Variants in RIC1 observed in about 807,000 individuals in gnomAD.
The protein encoded by RIC1 is guanine nucleotide exchange factor subunit RIC1.
RIC1 carries 88 observed loss-of-function variants against 169.0 expected under a neutral mutation model. That is an observed-to-expected ratio of 0.52 (90% CI 0.44 to 0.62). RIC1 has a LOEUF of 0.62. RIC1 is among the 20% of genes least tolerant of loss of function. The pLI, the probability that RIC1 is intolerant of heterozygous loss-of-function variation, is 0.00. For missense variants in RIC1, 1,877 were observed against 1,725.5 expected (o/e 1.09, Z -1.56); for synonymous variants, 790 against 601.5 (o/e 1.31, Z -4.59).
chr9:5,678,794 T>G (rs1453915329), intron 2 of RIC1, among the ~76,000 whole-genome samples: 1 of 152,218 alleles, frequency 6.6e-6, no homozygotes, highest in Non-Finnish European at 1.5e-5. Flanking sequence ...TTCTGTAGGT[T>G]GCCTGTTCAC....
chr9:5,662,241 T>A (rs1819494957), intron 2 of RIC1, among the ~76,000 whole-genome samples: 1 of 152,194 alleles, frequency 6.6e-6, no homozygotes, highest in African/African-American at 2.4e-5. Context: ...AGTATTTTGT[T>A]GAGAATTTTT....
intron 1 of RIC1, among the ~76,000 whole-genome samples, chr9:5,635,501 G>C (rs1817929965): frequency 6.6e-6 from 1 of 152,050 alleles, no homozygotes; most frequent in Non-Finnish European, 1.5e-5. Flanking sequence ...ATGCATGCGT[G>C]GTTTTATTTC....
chr9:5,666,171 T>G (rs1819744507), intron 2 of RIC1, among the ~76,000 whole-genome samples: 1 of 152,158 alleles, frequency 6.6e-6, no homozygotes, highest in Non-Finnish European at 1.5e-5. Context: ...AGGAGTGGAT[T>G]GAGGTCTCAC....
At chr9:5,758,957 A>T (rs1586702631) in intron 17 of RIC1, among the ~76,000 whole-genome samples, 1 of 151,716 alleles carries the variant, frequency 6.6e-6, no homozygotes, top group South Asian at 2.1e-4. Context: ...GTTGGCCAGG[A>T]TGGTCTCAAT....
At chr9:5,734,266 C>T (rs538061816) in intron 7 of RIC1, among the ~76,000 whole-genome samples, 1 of 151,628 alleles carries the variant, frequency 6.6e-6, no homozygotes, top group African/African-American at 2.4e-5. Context: ...ACCACCATGC[C>T]CGGCTAATTT....
At chr9:5,675,703 G>GA (rs60899601) in intron 2 of RIC1, among the ~76,000 whole-genome samples, 10,860 of 152,116 alleles carry the variant, frequency 0.071, 566 homozygotes, top group African/African-American at 0.14. Flanking sequence ...TTTTAGGGGG[G>GA]AAAAATGTAC....
At position 5,754,935 on chromosome 9, in the gene RIC1, G is replaced by T. The variant is rs1417892296; in HGVS notation, c.1692+5G>T. Reference sequence around the variant, plus strand: ...ATAAATGACCGTCAAGAAGAGGTAAGTTTTTTCTCTCAGAAATAACAGATT... The same window carrying T: ...ATAAATGACCGTCAAGAAGAGGTAATTTTTTTCTCTCAGAAATAACAGATT... On this transcript the variant is annotated splice_donor_5th_base_variant and intron_variant, in intron 15 of 25. Coordinates refer to ENST00000414202, the MANE Select transcript of RIC1 (RefSeq NM_020829.4). 19 of 1,495,988 alleles carry T rather than the reference G, an allele frequency of 1.3e-5. No homozygotes were observed. Among genetic ancestry groups the T allele is most frequent in the Admixed American group, 3.6e-5 (2 of 56,268 alleles). The allele number at this position is 1,495,988 out of a possible 1,614,324, so 92.7% of individuals were successfully genotyped here.
In RIC1 at chr9:5,769,032, C is replaced by T. The variant is rs759997980; in HGVS notation, c.3200C>T (p.Ala1067Val). 1 of 1,614,056 alleles carries T rather than the reference C, an allele frequency of 6.2e-7. No homozygotes were observed. Among genetic ancestry groups the T allele is most frequent in the Non-Finnish European group, 8.5e-7 (1 of 1,179,944 alleles). ...MYIDMMLWRHARRLLEDVRLK... is the reference protein window; with the variant it reads ...MYIDMMLWRHVRRLLEDVRLK... ...ATTGACATGATGCTCTGGAGACATG[C>T]TCGGCGCCTCTTAGAAGATGTGAGG... The change falls in exon 22 of 26, where the codon GCT becomes GTT. Residue 1067 changes from alanine to valine, a missense_variant. Ala to Val is a moderately conservative substitution (Grantham distance 64). Transcript: ENST00000414202.
intron 22 of RIC1, 149 bp from the exon 23 acceptor site, chr9:5,769,938 G>A (rs1406324582): frequency 1.7e-6 from 1 of 601,988 alleles, no homozygotes; most frequent in Middle Eastern, 4.4e-4. Flanking sequence ...TAGTTTTGGG[G>A]TGGCTGATAC....
intron 2 of RIC1, among the ~76,000 whole-genome samples, chr9:5,664,235 C>T (rs577008707): frequency 1.4e-3 from 213 of 152,096 alleles, no homozygotes; most frequent in African/African-American, 4.9e-3. Context: ...TTGTGAAAAA[C>T]CCCATCTCTA....
intron 2 of RIC1, among the ~76,000 whole-genome samples, chr9:5,658,817 GTTTTTTTGTTT>G (rs1045057998): frequency 2.8e-5 from 4 of 143,466 alleles, no homozygotes; most frequent in Non-Finnish European, 4.5e-5. Flanking sequence ...TTATTGGAAA[GTTTTTTTGTTT>G]TTTTTTTTAC....
At chr9:5,772,416 G>A (rs980602668) in intron 23 of RIC1, 148 bp from the exon 24 acceptor site, 1 of 615,666 alleles carries the variant, frequency 1.6e-6, no homozygotes, top group Non-Finnish European at 2.7e-6. Context: ...TGTTTTCTAT[G>A]TTCACATGGT....
Position 5,763,906 on chromosome 9 carries a change from G to A in RIC1, c.2841+38G>A, listed in dbSNP as rs1227617015. 6.5e-6 allele frequency: 10 copies of A among 1,547,792 alleles called. No individual in the cohort carries two copies. Among genetic ancestry groups the A allele is most frequent in the Admixed American group, 2.0e-5 (1 of 49,618 alleles). On this transcript the variant is annotated intron_variant, in intron 19 of 25. Coordinates refer to ENST00000414202, the MANE Select transcript of RIC1 (RefSeq NM_020829.4). The surrounding 1 kb of genome is among the most constrained non-coding windows in gnomAD (Gnocchi z 5.2). ...TTCTTATAAAGGGGCAAGAATTAAT[G>A]AGCTTAAACTTAGAAAAATAGAAAT...
At chr9:5,655,588 G>A (rs144140692) in intron 1 of RIC1, among the ~76,000 whole-genome samples, 24 of 151,678 alleles carry the variant, frequency 1.6e-4, no homozygotes, top group South Asian at 6.3e-4. Flanking sequence ...GGCATGAGCC[G>A]TGGCGCCCGG....
intron 6 of RIC1, among the ~76,000 whole-genome samples, chr9:5,724,554 T>C (rs1823830608): frequency 6.6e-6 from 1 of 152,224 alleles, no homozygotes; most frequent in Non-Finnish European, 1.5e-5. Context: ...CCTTTATTTC[T>C]TTCTTCTGCC....
At chr9:5,678,885 T>C (rs1010571889) in intron 2 of RIC1, among the ~76,000 whole-genome samples, 68 of 152,262 alleles carry the variant, frequency 4.5e-4, no homozygotes, top group African/African-American at 1.6e-3. Context: ...TTTGTTGCCA[T>C]TGCTTTTGGT....
rs1252208295 is a variant in RIC1, at chr9:5,629,448, A to G, written c.139A>G (p.Ser47Gly). The G allele has an allele frequency of 6.5e-7, 1 of 1,530,582 alleles. No homozygotes were observed. The highest frequency in any genetic ancestry group is 2.0e-5 in the Admixed American group (1 of 50,324). 94.8% of individuals were successfully genotyped at this position (1,530,582 alleles called of 1,614,324 possible). ...LAAARLSIWY[S>G]RPSVLIVTYK... ...CGCGGCCCGCCTCAGCATCTGGTAC[A>G]GCCGAGTAAGTAGAGCCGCCCGCCG... The change falls in exon 1 of 26, where the codon AGC (serine) becomes GGC (glycine). Residue 47 changes from serine to glycine, a missense_variant. By Grantham distance (56) the Ser-to-Gly change is moderately conservative (BLOSUM62 0). This residue lies in a region of RIC1 where 1,104 missense variants were observed against 992.0 expected (regional missense o/e 1.11). Coordinates refer to ENST00000414202, the MANE Select transcript of RIC1 (RefSeq NM_020829.4).
intron 2 of RIC1, 64 bp downstream of exon 2, chr9:5,656,754 A>T: frequency 1.1e-6 from 1 of 909,146 alleles, no homozygotes; most frequent in East Asian, 2.5e-5. Flanking sequence ...TTTAAATTTG[A>T]TTCTCTTAGA....
intron 10 of RIC1, among the ~76,000 whole-genome samples, chr9:5,744,577 T>C (rs1409092575): frequency 6.6e-6 from 1 of 152,174 alleles, no homozygotes; most frequent in Non-Finnish European, 1.5e-5. Context: ...ATGTTTTATA[T>C]ATACCTTATG....
Sources: gnomAD v4.1 joint callset for allele counts (sites outside exome capture counted in the v4.1 genomes callset) on GRCh38, gnomAD v4.1.1 for gene constraint, gnomAD v4.1.1 regional missense constraint, Gnocchi (gnomAD v3.1) non-coding constraint, MANE v1.5 for transcripts, NCBI Gene and HGNC (gene_info 2026-07-23, HGNC 2026-07-21) for gene names.